Variants in CAMK2D observed in about 807,000 individuals in gnomAD.
The protein encoded by CAMK2D is calcium/calmodulin dependent protein kinase II delta.
In CAMK2D, 37 loss-of-function variants were observed where a neutral mutation model predicts 84.0. That is an observed-to-expected ratio of 0.44 (90% CI 0.34 to 0.58). The LOEUF (loss-of-function observed/expected upper bound fraction) is 0.58, where lower values mean the gene tolerates loss of function less well. Ranked by LOEUF, CAMK2D falls within the 20% of genes least tolerant of loss-of-function variation. The pLI is 0.02. For synonymous variants in CAMK2D, 202 were observed against 212.5 expected (o/e 0.95, Z 0.43); for missense variants, 448 against 652.5 (o/e 0.69, Z 3.41).
At chr4:113,514,887 C>A (rs1374797434) in intron 10 of CAMK2D, among the ~76,000 whole-genome samples, 182 bp downstream of exon 10, 2 of 152,172 alleles carry the variant, frequency 1.3e-5, no homozygotes, top group East Asian at 3.8e-4. Context: ...TCAGACTTTG[C>A]TACTGAAAAT....
At chr4:113,743,575 A>G (rs1458445382) in intron 2 of CAMK2D, among the ~76,000 whole-genome samples, 1 of 152,138 alleles carries the variant, frequency 6.6e-6, no homozygotes, top group African/African-American at 2.4e-5. Context: ...ACCTTTCGGT[A>G]TGTGCTGTTT....
At chr4:113,736,502 A>T (rs978052040) in intron 2 of CAMK2D, among the ~76,000 whole-genome samples, 1 of 152,214 alleles carries the variant, frequency 6.6e-6, no homozygotes, top group African/African-American at 2.4e-5. Context: ...TTTTAAATTG[A>T]GTGAAACAAA....
At chr4:113,699,003 A>G (rs1376029240) in intron 2 of CAMK2D, among the ~76,000 whole-genome samples, 1 of 152,132 alleles carries the variant, frequency 6.6e-6, no homozygotes, top group Non-Finnish European at 1.5e-5. Context: ...CAATGGTTAT[A>G]TCTATATTTC....
intron 2 of CAMK2D, among the ~76,000 whole-genome samples, chr4:113,748,368 T>A (rs774231531): frequency 7.9e-5 from 12 of 152,148 alleles, no homozygotes; most frequent in Admixed American, 6.6e-4. Context: ...GCATACTTTG[T>A]CATTGGTGGA....
At chr4:113,482,519 C>A (rs1196009552) in intron 16 of CAMK2D, among the ~76,000 whole-genome samples, 1 of 152,088 alleles carries the variant, frequency 6.6e-6, no homozygotes, top group Admixed American at 6.5e-5. Context: ...AGGAGTATTG[C>A]AATGAGTAAT....
At position 113,697,275 on chromosome 4, in the gene CAMK2D, G is replaced by A. The variant is rs1230584541; in HGVS notation, c.161-35503C>T. ...AGCCTCCCATGCTATAGGCACCAGA[G>A]GCACTAAGAACCAACAGATAATCCC... On this transcript the variant is annotated intron_variant, in intron 2 of 20. Transcript: ENST00000511664. Among the ~76,000 whole-genome samples, 6 of 152,156 alleles carry A rather than the reference G, an allele frequency of 3.9e-5. No individual in the cohort carries two copies. The East Asian group carries it at 1.2e-3, about 29-fold the overall frequency.
At chr4:113,507,804 G>C (rs2098150074) in intron 13 of CAMK2D, among the ~76,000 whole-genome samples, 1 of 151,902 alleles carries the variant, frequency 6.6e-6, no homozygotes, top group Non-Finnish European at 1.5e-5. Flanking sequence ...ACTTAACTAG[G>C]ATTGGTACAT....
chr4:113,755,318 C>T (rs921305298), intron 2 of CAMK2D, among the ~76,000 whole-genome samples: 8 of 151,554 alleles, frequency 5.3e-5, no homozygotes, highest in African/African-American at 1.9e-4. Flanking sequence ...ATTAATAAAA[C>T]TAGTAAAATC....
intron 2 of CAMK2D, among the ~76,000 whole-genome samples, chr4:113,685,385 G>A (rs928262229): frequency 1.3e-5 from 2 of 151,714 alleles, no homozygotes; most frequent in South Asian, 2.1e-4. Context: ...AACTATAGGC[G>A]TGCGCCACAA....
intron 4 of CAMK2D, 80 bp from the exon 5 acceptor site, chr4:113,552,176 ATAGCTG>A: frequency 1.3e-6 from 1 of 744,080 alleles, no homozygotes; most frequent in South Asian, 1.7e-5. Flanking sequence ...ATGTGTTCAT[ATAGCTG>A]TTTTTCTTAG....
intron 4 of CAMK2D, among the ~76,000 whole-genome samples, chr4:113,558,188 T>C (rs1374531844): frequency 6.6e-6 from 1 of 152,228 alleles, no homozygotes; most frequent in Non-Finnish European, 1.5e-5. Context: ...TTAAACCACA[T>C]ATACAAAAGT....
chr4:113,715,153 T>A (rs573301333), intron 2 of CAMK2D, among the ~76,000 whole-genome samples: 121 of 152,206 alleles, frequency 7.9e-4, no homozygotes, highest in African/African-American at 2.8e-3. Context: ...CCTTCGTAAC[T>A]GTATGGTTAG....
intron 18 of CAMK2D, among the ~76,000 whole-genome samples, chr4:113,458,335 CA>C (rs1481379577): frequency 6.6e-6 from 1 of 152,194 alleles, no homozygotes; most frequent in African/African-American, 2.4e-5. Flanking sequence ...ATTTAGTGCA[CA>C]TCACTTATTG....
At chr4:113,602,479 T>C (rs2098957333) in intron 4 of CAMK2D, among the ~76,000 whole-genome samples, 1 of 152,220 alleles carries the variant, frequency 6.6e-6, no homozygotes, top group African/African-American at 2.4e-5. Context: ...TTTTCTCTCC[T>C]GCCCTCTCTC....
At chr4:113,535,190 C>A (rs756653473) in intron 7 of CAMK2D, among the ~76,000 whole-genome samples, 2 of 152,012 alleles carry the variant, frequency 1.3e-5, no homozygotes, top group Non-Finnish European at 2.9e-5. Flanking sequence ...CCTCATACCC[C>A]AAGTCTCTCA....
intron 16 of CAMK2D, among the ~76,000 whole-genome samples, chr4:113,484,015 G>T (rs900351004): frequency 3.3e-5 from 5 of 152,108 alleles, no homozygotes; most frequent in African/African-American, 1.2e-4. Context: ...GTTAGGTAGG[G>T]AAGATACCGA....
intron 2 of CAMK2D, among the ~76,000 whole-genome samples, chr4:113,705,163 A>C: frequency 6.9e-6 from 1 of 144,010 alleles, no homozygotes. Flanking sequence ...TACAAATACA[A>C]AAAAAAAAAA....
chr4:113,495,378 A>C (rs1371293206), intron 16 of CAMK2D, among the ~76,000 whole-genome samples: 1 of 152,224 alleles, frequency 6.6e-6, no homozygotes, highest in Non-Finnish European at 1.5e-5. Flanking sequence ...ACAAGTCCTG[A>C]AATATAAATT....
chr4:113,494,515 G>C (rs1392862177), intron 16 of CAMK2D, among the ~76,000 whole-genome samples: 2 of 152,264 alleles, frequency 1.3e-5, no homozygotes, highest in East Asian at 1.9e-4. Flanking sequence ...CTCCAGCTGC[G>C]TGCTGGGAGA....
Sources: allele counts gnomAD v4.1 joint callset (sites outside exome capture counted in the v4.1 genomes callset), GRCh38; gene constraint gnomAD v4.1.1; transcripts MANE v1.5; gene names NCBI Gene and HGNC (gene_info 2026-07-23, HGNC 2026-07-21).